Variants in POR observed in about 807,000 individuals in gnomAD.
POR encodes NADPH--cytochrome P450 reductase.
A neutral mutation model predicts 84.0 loss-of-function variants in POR; 56 were observed. That is an observed-to-expected ratio of 0.67 (90% CI 0.54 to 0.83). The LOEUF is 0.83. POR is among the 40% of genes least tolerant of loss of function. POR has a pLI of 0.00. For synonymous variants in POR, 414 were observed against 400.5 expected, an observed-to-expected ratio of 1.03 and a Z score of -0.40; for missense variants, 938 against 944.3, an observed-to-expected ratio of 0.99 and a Z score of 0.09.
intron 1 of POR, among the ~76,000 whole-genome samples, chr7:75,936,660 G>A (rs1807700824): frequency 6.6e-6 from 1 of 151,918 alleles, no homozygotes; most frequent in Admixed American, 6.6e-5. Context: ...ACATGCGTGT[G>A]TGGGCAGGGG....
Position 75,983,769 on chromosome 7 carries a change from C to G in POR, c.979C>G (p.Pro327Ala). The G allele has an allele frequency of 2.5e-6, 4 of 1,612,432 alleles. No individual in the cohort carries two copies. Among genetic ancestry groups the G allele is most frequent in the Non-Finnish European group, 3.4e-6 (4 of 1,179,704 alleles). ...ATCTGGGGACCACGTGGCTGTGTAC[C>G]CAGCCAACGACTCTGCTCTCGTCAA... Residue 327 changes from proline (P) to alanine (A), a missense_variant, in exon 10 of 16, where the codon CCA becomes GCA. By Grantham distance (27) the Pro-to-Ala change is conservative. Coordinates refer to ENST00000461988, the MANE Select transcript of POR (RefSeq NM_000941.3).
At chr7:75,923,474 T>C (rs1241287853) in intron 1 of POR, 1 of 518,668 alleles carries the variant, frequency 1.9e-6, no homozygotes, top group African/African-American at 1.9e-5. Flanking sequence ...CAGTAAATTT[T>C]TATCAATGAA....
chr7:75,967,217 C>G (rs782355561), intron 2 of POR, among the ~76,000 whole-genome samples: 1 of 152,120 alleles, frequency 6.6e-6, no homozygotes, highest in Admixed American at 6.6e-5. Context: ...GCTATGGCGT[C>G]CACCCACCTC....
In POR at chr7:75,981,043, C is replaced by T. The variant is rs1443454705; in HGVS notation, c.517-5C>T. 9 of 1,568,182 alleles carry T rather than the reference C, an allele frequency of 5.7e-6. No individual in the cohort carries two copies. The highest frequency in any genetic ancestry group is 1.8e-5 in the Admixed American group (1 of 54,580). On this transcript the variant is annotated splice_polypyrimidine_tract_variant and splice_region_variant and intron_variant, in intron 5 of 15. Coordinates refer to ENST00000461988, the MANE Select transcript of POR (RefSeq NM_000941.3). ...GGCCTCAGAGCGGCCCCTGTGTCCA[C>T]GCAGGTGTTTGGTCTTGGGAACAAG...
intron 1 of POR, among the ~76,000 whole-genome samples, chr7:75,919,126 G>C (rs367698717): frequency 1.3e-5 from 2 of 151,856 alleles, no homozygotes; most frequent in Non-Finnish European, 1.5e-5. Context: ...AGCCTCCCGA[G>C]TAGCTAGGAT....
intron 1 of POR, among the ~76,000 whole-genome samples, chr7:75,917,107 G>T (rs1032620801): frequency 3.3e-5 from 5 of 151,280 alleles, no homozygotes; most frequent in Admixed American, 6.6e-5. Flanking sequence ...TCACTCTGTC[G>T]TGCAGGCTGG....
chr7:75,930,595 T>G (rs1178898236), intron 1 of POR, among the ~76,000 whole-genome samples: 1 of 152,176 alleles, frequency 6.6e-6, no homozygotes, highest in Non-Finnish European at 1.5e-5. Context: ...CGATCTTGGC[T>G]CACTGCAGCC....
intron 5 of POR, chr7:75,980,770 G>T (rs1788972103): frequency 1.4e-6 from 2 of 1,423,192 alleles, no homozygotes; most frequent in Non-Finnish European, 1.9e-6. Flanking sequence ...GCCTCGGAGA[G>T]CTGGAGCCCC....
rs782056907 is a variant in POR at position 75,985,860 on chromosome 7, T to G, written c.1669+11T>G. 2.6e-6 allele frequency: 4 copies of G among 1,549,762 alleles called. No individual in the cohort carries two copies. Among genetic ancestry groups the G allele is most frequent in the Non-Finnish European group, 8.7e-7 (1 of 1,144,206 alleles). ...GGCTGCGACAGCAGGGTGAGTGGGG[T>G]CCCATGGGGGAGAGGGGGTGACGAC... On this transcript the variant is annotated intron_variant, in intron 13 of 15. Coordinates refer to ENST00000461988, the MANE Select transcript of POR (RefSeq NM_000941.3).
At chr7:75,930,370 T>A (rs1393511494) in intron 1 of POR, among the ~76,000 whole-genome samples, 1 of 152,032 alleles carries the variant, frequency 6.6e-6, no homozygotes, top group South Asian at 2.1e-4. Context: ...TAGTCCCAGC[T>A]CCTCGGGAGG....
At chr7:75,961,839 C>A (rs1234231172) in intron 2 of POR, among the ~76,000 whole-genome samples, 2 of 152,138 alleles carry the variant, frequency 1.3e-5, no homozygotes, top group African/African-American at 4.8e-5. Context: ...CATAGCAAGA[C>A]CCCGTCTCTA....
Position 75,983,754 on chromosome 7 carries a change from C to G in POR, c.964C>G (p.His322Asp). The change falls in exon 10 of 16, where the codon CAC (histidine) becomes GAC (aspartate). Residue 322 changes from histidine to aspartate, a missense_variant. Transcript: ENST00000461988. Reference sequence around the variant, plus strand: ...TCCCTCCAGGTATGAATCTGGGGACCACGTGGCTGTGTACCCAGCCAACGA... The same window carrying G: ...TCCCTCCAGGTATGAATCTGGGGACGACGTGGCTGTGTACCCAGCCAACGA... 1 of 1,612,384 alleles carries G rather than the reference C, an allele frequency of 6.2e-7. No homozygotes were observed. The highest frequency in any genetic ancestry group is 1.1e-5 in the South Asian group (1 of 91,056).
At chr7:75,920,056 CTTTTTT>C (rs71519397) in intron 1 of POR, among the ~76,000 whole-genome samples, 15 of 76,520 alleles carry the variant, frequency 2.0e-4, no homozygotes, top group Admixed American at 4.5e-4. Flanking sequence ...AGTTGAATTT[CTTTTTT>C]TTTTTTTTTT....
At chr7:75,940,343 T>C (rs572766260) in intron 1 of POR, among the ~76,000 whole-genome samples, 2 of 151,852 alleles carry the variant, frequency 1.3e-5, no homozygotes, top group East Asian at 4.0e-4. Flanking sequence ...TGCCTCAGCC[T>C]CCCAAAGTGC....
chr7:75,947,913 C>T (rs575904313), intron 1 of POR, among the ~76,000 whole-genome samples: 95 of 152,074 alleles, frequency 6.2e-4, no homozygotes, highest in African/African-American at 2.1e-3. Context: ...AAGGGGAAAA[C>T]GGTTAAGTTT....
intron 1 of POR, among the ~76,000 whole-genome samples, chr7:75,930,667 CA>C (rs1807369250): frequency 6.6e-6 from 1 of 151,852 alleles, no homozygotes; most frequent in Admixed American, 6.6e-5. Context: ...GAATTACAAG[CA>C]TGTGCCACCA....
At position 75,941,712 on chromosome 7, in the gene POR, T is replaced by C. The variant is rs1585095993; in HGVS notation, c.-4-12277T>C. 2.0e-5 allele frequency among the ~76,000 whole-genome samples: 3 copies of C among 152,260 alleles called. No homozygotes were observed. The South Asian group carries it at 6.2e-4, about 32-fold the overall frequency. On this transcript the variant is annotated intron_variant, in intron 1 of 15. Coordinates refer to ENST00000461988, the MANE Select transcript of POR (RefSeq NM_000941.3). ...TTCAAATAAGGCTGGTTGCGGTGGT[T>C]CACACCTGTAATCCCAGCACTTTGG...
At chr7:75,932,604 C>T (rs1442840663) in intron 1 of POR, among the ~76,000 whole-genome samples, 1 of 151,840 alleles carries the variant, frequency 6.6e-6, no homozygotes, top group Non-Finnish European at 1.5e-5. Flanking sequence ...CTAGAAAATG[C>T]ACTGTAACTT....
chr7:75,927,473 C>CA (rs1301534459), intron 1 of POR, among the ~76,000 whole-genome samples: 51 of 151,044 alleles, frequency 3.4e-4, no homozygotes, highest in African/African-American at 9.7e-4. Flanking sequence ...AAAACAACAA[C>CA]AAAAAAAACC....
Sources: allele counts gnomAD v4.1 joint callset (sites outside exome capture counted in the v4.1 genomes callset), GRCh38; gene constraint gnomAD v4.1.1; transcripts MANE v1.5; gene names NCBI Gene and HGNC (gene_info 2026-07-23, HGNC 2026-07-21).